The following OR5BS1 variants were observed in gnomAD, a reference collection of about 807,000 sequenced individuals.
OR5BS1 encodes olfactory receptor 5BS1.
At chr12:48,560,470 G>A in the OR5BS1 span, 14 of 401,714 alleles carry the variant, frequency 3.5e-5, no homozygotes, top group Non-Finnish European at 5.3e-5. Flanking sequence ...CGCTAGCATC[G>A]TCTCCATTCT....
chr12:48,562,644 A>T, the OR5BS1 span: 6 of 394,394 alleles, frequency 1.5e-5, no homozygotes, highest in African/African-American at 4.1e-5. Flanking sequence ...CTTTTCACAG[A>T]TCAGCCATTT....
At chr12:48,561,614 C>G in the OR5BS1 span, among the ~76,000 whole-genome samples, 1 of 152,124 alleles carries the variant, frequency 6.6e-6, no homozygotes, top group Non-Finnish European at 1.5e-5. Flanking sequence ...GGAGACAAAA[C>G]AATCGATGCC....
the OR5BS1 span, chr12:48,559,965 T>C: frequency 2.5e-6 from 1 of 402,520 alleles, no homozygotes; most frequent in Non-Finnish European, 4.4e-6. Flanking sequence ...CACTGCTCTT[T>C]GTTCTGTTCC....
the OR5BS1 span, among the ~76,000 whole-genome samples, chr12:48,561,100 CAAAA>C: frequency 1.3e-4 from 14 of 109,674 alleles, no homozygotes; most frequent in Admixed American, 1.2e-3. Flanking sequence ...GAGACTAGGT[CAAAA>C]AAAAAAAAAA....
the OR5BS1 span, chr12:48,560,060 A>G: frequency 2.5e-6 from 1 of 403,570 alleles, no homozygotes; most frequent in Non-Finnish European, 4.4e-6. Flanking sequence ...ACCCCTATGT[A>G]CTTCTTCCTG....
At chr12:48,562,312 AG>A in the OR5BS1 span, among the ~76,000 whole-genome samples, 1 of 152,306 alleles carries the variant, frequency 6.6e-6, no homozygotes, top group Non-Finnish European at 1.5e-5. Flanking sequence ...TTTTAAACTA[AG>A]TGTACAGTTT....
the OR5BS1 span, chr12:48,560,762 A>C: frequency 1.3e-5 from 5 of 397,792 alleles, no homozygotes; most frequent in Non-Finnish European, 1.8e-5. Context: ...CAAAAGGCCT[A>C]GGCTCTAGTG....
chr12:48,562,366 CTGT>C, the OR5BS1 span, among the ~76,000 whole-genome samples: 1 of 152,134 alleles, frequency 6.6e-6, no homozygotes, highest in Admixed American at 6.5e-5. Context: ...CGTTTCTGTA[CTGT>C]TGTGTATAAA....
the OR5BS1 span, among the ~76,000 whole-genome samples, chr12:48,562,433 A>C: frequency 6.6e-6 from 1 of 152,230 alleles, no homozygotes; most frequent in African/African-American, 2.4e-5. Context: ...TGCTTTGAAG[A>C]GTATGAAATG....
the OR5BS1 span, among the ~76,000 whole-genome samples, chr12:48,561,028 C>T: frequency 2.1e-3 from 315 of 149,864 alleles, 3 homozygotes; most frequent in African/African-American, 7.2e-3. Flanking sequence ...GCTTCAGCCT[C>T]GGAGGCAGAG....
the OR5BS1 span, chr12:48,560,391 C>T: frequency 2.5e-6 from 1 of 401,592 alleles, no homozygotes; most frequent in Non-Finnish European, 4.4e-6. Flanking sequence ...ACTTCTGCGG[C>T]CCTAATGTCA....
At chr12:48,560,379 G>A in the OR5BS1 span, 7 of 401,462 alleles carry the variant, frequency 1.7e-5, no homozygotes, top group African/African-American at 1.2e-4. Context: ...TGGCTCAGCA[G>A]CACTTCTGCG....
At chr12:48,562,793 G>A in the OR5BS1 span, 1 of 401,664 alleles carries the variant, frequency 2.5e-6, no homozygotes, top group Non-Finnish European at 4.4e-6. Flanking sequence ...TTCCCTTCAA[G>A]GTATATGATT....
At chr12:48,561,534 G>A in the OR5BS1 span, among the ~76,000 whole-genome samples, 2 of 152,134 alleles carry the variant, frequency 1.3e-5, no homozygotes, top group Non-Finnish European at 2.9e-5. Flanking sequence ...AAGTTGGACC[G>A]AGATCCGTGC....
chr12:48,560,541 TATC>T, the OR5BS1 span: 1 of 401,838 alleles, frequency 2.5e-6, no homozygotes, highest in Non-Finnish European at 4.4e-6. Flanking sequence ...CCTACAGCTG[TATC>T]ATCATGACAG....
chr12:48,560,715 G>A, the OR5BS1 span: 21 of 399,912 alleles, frequency 5.3e-5, no homozygotes, highest in East Asian at 1.1e-4. Context: ...AGTGGTCTCC[G>A]TTGGCAGAAG....
chr12:48,562,001 T>C, the OR5BS1 span, among the ~76,000 whole-genome samples: 1 of 152,194 alleles, frequency 6.6e-6, no homozygotes, highest in Non-Finnish European at 1.5e-5. Flanking sequence ...ATCCTTGGGA[T>C]AGTCTATTCC....
chr12:48,560,258 T>C, the OR5BS1 span: 3 of 401,288 alleles, frequency 7.5e-6, no homozygotes, highest in Non-Finnish European at 1.3e-5. Context: ...TTTCAGGCCA[T>C]GTGTCATCCA....
chr12:48,561,879 G>T, the OR5BS1 span, among the ~76,000 whole-genome samples: 2 of 152,168 alleles, frequency 1.3e-5, no homozygotes, highest in Admixed American at 1.3e-4. Flanking sequence ...TGCCATGAGG[G>T]ATGTGACTAC....
Sources: gnomAD v4.1 joint callset for allele counts (sites outside exome capture counted in the v4.1 genomes callset) on GRCh38, gnomAD v4.1.1 for gene constraint, MANE v1.5 for transcripts, NCBI Gene and HGNC (gene_info 2026-07-23, HGNC 2026-07-21) for gene names.